The following WSB2 variants were observed in gnomAD, a reference collection of about 807,000 sequenced individuals.
WSB2 encodes the protein WD repeat and SOCS box-containing protein 2.
In WSB2, 12 loss-of-function variants were observed where a neutral mutation model predicts 48.8. The observed-to-expected ratio is 0.25, with a 90% CI of 0.16 to 0.40. WSB2 has a LOEUF of 0.40. WSB2 is among the 10% of genes least tolerant of loss of function. The pLI is 1.00. For missense variants in WSB2, 317 were observed against 506.2 expected, an observed-to-expected ratio of 0.63 and a Z score of 3.59; for synonymous variants, 191 against 203.1, an observed-to-expected ratio of 0.94 and a Z score of 0.51.
At chr12:118,052,693 C>T (rs1488436192) in intron 1 of WSB2, 2 of 660,530 alleles carry the variant, frequency 3.0e-6, no homozygotes, top group Admixed American at 3.0e-5. Context: ...TTAACCATGA[C>T]TCACAGTAAC....
chr12:118,060,686 C>T lies in WSB2; in HGVS notation c.13+350G>A, dbSNP rs1381792129. Reference sequence around the variant, plus strand: ...CTGGCACCTGGGTACCCAGGGGCACCCACCCCCTTGGGGATCTCCGTTTTA... The same window carrying T: ...CTGGCACCTGGGTACCCAGGGGCACTCACCCCCTTGGGGATCTCCGTTTTA... On this transcript the variant is annotated intron_variant, in intron 1 of 8. Coordinates refer to ENST00000315436, the MANE Select transcript of WSB2 (RefSeq NM_018639.5). This position sits in a 1 kb window ranked among gnomAD's most constrained non-coding sequence, Gnocchi z 4.1. Among the ~76,000 whole-genome samples, 1 of 152,072 alleles carries T rather than the reference C, an allele frequency of 6.6e-6. No individual in the cohort carries two copies. Among genetic ancestry groups the T allele is most frequent in the African/African-American group, 2.4e-5 (1 of 41,412 alleles).
At chr12:118,048,241 T>C (rs1226880406) in intron 2 of WSB2, among the ~76,000 whole-genome samples, 1 of 152,082 alleles carries the variant, frequency 6.6e-6, no homozygotes, top group African/African-American at 2.4e-5. Context: ...ATAGCCTGTT[T>C]TTTTTCAATA....
intron 6 of WSB2, 127 bp from the exon 7 acceptor site, chr12:118,035,451 C>G (rs545003006): frequency 2.7e-6 from 2 of 748,916 alleles, no homozygotes; most frequent in African/African-American, 3.5e-5. Context: ...GTGTGCCCCT[C>G]GTGGAAAAGC....
chr12:118,045,288 C>G (rs933173986), intron 2 of WSB2, among the ~76,000 whole-genome samples: 2 of 151,640 alleles, frequency 1.3e-5, no homozygotes, highest in Admixed American at 6.6e-5. Context: ...TGGCGTGAAC[C>G]CGGGAGGCGG....
rs1410188953 is a variant in WSB2, at chr12:118,033,385, C to T, written c.*811G>A. ...GGTTTTTAGATAATCGAGAAAAACACAGTTGTACCTTAACATCTGTTGAGA... is the reference window on the plus strand; with the variant it reads ...GGTTTTTAGATAATCGAGAAAAACATAGTTGTACCTTAACATCTGTTGAGA... On this transcript the variant is annotated 3_prime_UTR_variant, in exon 9 of 9. Transcript: ENST00000315436. The T allele has an allele frequency of 6.6e-6, 1 of 152,516 alleles. No individual in the cohort carries two copies. The highest frequency in any genetic ancestry group is 1.5e-5 in the Non-Finnish European group (1 of 68,024). The allele number at this position is 152,516 out of a possible 1,614,324, so 9.4% of individuals were successfully genotyped here.
chr12:118,054,595 GGGAGGC>G (rs1161119336), intron 1 of WSB2, among the ~76,000 whole-genome samples: 1 of 151,576 alleles, frequency 6.6e-6, no homozygotes, highest in African/African-American at 2.4e-5. Flanking sequence ...GCTTGAACCC[GGGAGGC>G]GGAAGGCAGA....
rs971310487 is a variant in WSB2 at position 118,033,838 on chromosome 12, C to T, written c.*358G>A. 1.2e-4 allele frequency: 32 copies of T among 263,524 alleles called. No individual in the cohort carries two copies. The highest frequency in any genetic ancestry group is 2.2e-4 in the Non-Finnish European group (29 of 134,486). The allele number at this position is 263,524 out of a possible 1,614,324, so 16.3% of individuals were successfully genotyped here. A position where few individuals can be genotyped will look rare whatever the true frequency, so the allele number is the denominator to read the frequency against. On this transcript the variant is annotated 3_prime_UTR_variant, in exon 9 of 9. Transcript: ENST00000315436. ...GCGGAGGGAGTGTGAGCTGCTCTGCCACTAGAGAGGCTCTGGAGGCCTACT... is the reference window on the plus strand; with the variant it reads ...GCGGAGGGAGTGTGAGCTGCTCTGCTACTAGAGAGGCTCTGGAGGCCTACT...
At position 118,059,261 on chromosome 12, in the gene WSB2, T is replaced by C. The variant is rs117394766; in HGVS notation, c.13+1775A>G. Among the ~76,000 whole-genome samples, 17 of 152,298 alleles carry C rather than the reference T, an allele frequency of 1.1e-4. No homozygotes were observed. In the East Asian group the frequency reaches 3.3e-3, roughly 29 times the overall value. On this transcript the variant is annotated intron_variant, in intron 1 of 8. Coordinates refer to ENST00000315436, the MANE Select transcript of WSB2 (RefSeq NM_018639.5). ...TATTTGATTACATGTAGCAGGAATA[T>C]TTTAGACATGTTGTATTGAAAGAGT... is the stretch of plus-strand genomic sequence containing the variant.
intron 2 of WSB2, among the ~76,000 whole-genome samples, chr12:118,050,015 T>G (rs1470860270): frequency 6.6e-6 from 1 of 151,736 alleles, no homozygotes; most frequent in Non-Finnish European, 1.5e-5. Context: ...CTGGCCAACA[T>G]AGTAAAACCC....
chr12:118,035,291 A>G lies in WSB2; in HGVS notation c.867T>C (p.Ser289=). The G allele has an allele frequency of 6.2e-7, 1 of 1,614,214 alleles. No homozygotes were observed. The highest frequency in any genetic ancestry group is 8.5e-7 in the Non-Finnish European group (1 of 1,180,038). The part of the protein sequence containing the change: ...HTQVDPAMDD[S]DVHISSLRSV... ...ATCTCAGTGAGCTAATGTGGACGTCACTGTCATCCATGGCGGGGTCAACCT... is the reference window on the plus strand; with the variant it reads ...ATCTCAGTGAGCTAATGTGGACGTCGCTGTCATCCATGGCGGGGTCAACCT... The change falls in exon 7 of 9, where the codon AGT becomes AGC. Residue 289 remains serine, a synonymous_variant. Coordinates refer to ENST00000315436, the MANE Select transcript of WSB2 (RefSeq NM_018639.5).
At chr12:118,038,965 TCATAGGAAAC>T (rs1335389769) in intron 4 of WSB2, among the ~76,000 whole-genome samples, 1 of 152,158 alleles carries the variant, frequency 6.6e-6, no homozygotes, top group African/African-American at 2.4e-5. Flanking sequence ...AAAGGTTTCC[TCATAGGAAAC>T]CATATCAAAG....
intron 2 of WSB2, among the ~76,000 whole-genome samples, chr12:118,043,914 C>T (rs1341133071): frequency 6.6e-6 from 1 of 151,720 alleles, no homozygotes; most frequent in Non-Finnish European, 1.5e-5. Flanking sequence ...GTCTAGAATT[C>T]GAGACCAGCC....
intron 2 of WSB2, among the ~76,000 whole-genome samples, chr12:118,046,050 A>T (rs2031738306): frequency 6.6e-6 from 1 of 152,168 alleles, no homozygotes; most frequent in Non-Finnish European, 1.5e-5. Context: ...ATAAAGTTTT[A>T]TTGGAACGCA....
chr12:118,048,259 T>C (rs1484021207), intron 2 of WSB2, among the ~76,000 whole-genome samples: 1 of 151,362 alleles, frequency 6.6e-6, no homozygotes, highest in Non-Finnish European at 1.5e-5. Flanking sequence ...ATAAGCCTCA[T>C]ACTGCAAACA....
chr12:118,044,346 G>C (rs1157359161), intron 2 of WSB2, among the ~76,000 whole-genome samples: 1 of 152,162 alleles, frequency 6.6e-6, no homozygotes, highest in East Asian at 1.9e-4. Flanking sequence ...TGGAACTAGG[G>C]CAGAACTTAG....
intron 6 of WSB2, 60 bp downstream of exon 6, chr12:118,036,278 C>T: frequency 6.4e-7 from 1 of 1,560,900 alleles, no homozygotes; most frequent in East Asian, 2.3e-5. Context: ...ATGTCTAATC[C>T]CAGGCAGGTT....
At chr12:118,038,226 C>A in intron 5 of WSB2, 62 bp downstream of exon 5, 1 of 1,508,740 alleles carries the variant, frequency 6.6e-7, no homozygotes, top group Non-Finnish European at 9.0e-7. Context: ...CTCACACACA[C>A]CAGGCCACCA....
chr12:118,048,117 C>G (rs1566140269), intron 2 of WSB2, among the ~76,000 whole-genome samples: 1 of 152,038 alleles, frequency 6.6e-6, no homozygotes, highest in Non-Finnish European at 1.5e-5. Context: ...TTTGTAGAAA[C>G]CAAGTCTTGT....
At position 118,060,956 on chromosome 12, in the gene WSB2, C is replaced by T; in HGVS notation, c.13+80G>A. On this transcript the variant is annotated intron_variant, in intron 1 of 8. Coordinates refer to ENST00000315436, the MANE Select transcript of WSB2 (RefSeq NM_018639.5). This position sits in a 1 kb window ranked among gnomAD's most constrained non-coding sequence, Gnocchi z 4.1. ...CCCGCCCCACCCCGCCCAGCCCGCC[C>T]CGGGGTCGCCTCCCCCCTCCCCGGG... The T allele has an allele frequency of 1.4e-6, 1 of 716,200 alleles. No homozygotes were observed. Among genetic ancestry groups the T allele is most frequent in the Non-Finnish European group, 1.7e-6 (1 of 582,914 alleles). 44.4% of individuals were successfully genotyped at this position (716,200 alleles called of 1,614,324 possible).
Sources: allele counts gnomAD v4.1 joint callset (sites outside exome capture counted in the v4.1 genomes callset), GRCh38; gene constraint gnomAD v4.1.1; non-coding constraint Gnocchi (gnomAD v3.1); transcripts MANE v1.5; gene names NCBI Gene and HGNC (gene_info 2026-07-23, HGNC 2026-07-21).